Variants in ARPC1A observed in about 807,000 individuals in gnomAD.
ARPC1A encodes the protein actin related protein 2/3 complex subunit 1A.
A neutral mutation model predicts 46.9 loss-of-function variants in ARPC1A; 8 were observed. The observed-to-expected ratio is 0.17, with a 90% CI of 0.10 to 0.31. The LOEUF (loss-of-function observed/expected upper bound fraction) is 0.31. Ranked by LOEUF, ARPC1A falls within the 10% of genes least tolerant of loss-of-function variation. The pLI is 1.00. For missense variants in ARPC1A, 286 were observed against 483.6 expected (o/e 0.59, Z 3.83); for synonymous variants, 152 against 169.0 (o/e 0.90, Z 0.78).
chr7:99,358,821 G>A (rs1006236431), intron 7 of ARPC1A: 3 of 162,142 alleles, frequency 1.9e-5, no homozygotes, highest in East Asian at 1.9e-4. Context: ...ATGAGCCACC[G>A]TGCCCGGCCT....
chr7:99,349,491 G>A (rs1793513846), intron 5 of ARPC1A, among the ~76,000 whole-genome samples: 3 of 150,470 alleles, frequency 2.0e-5, no homozygotes, highest in Admixed American at 2.0e-4. Flanking sequence ...GATCACCTGA[G>A]GTTGGAAGTT....
At chr7:99,335,139 C>T (rs1297616368) in intron 2 of ARPC1A, among the ~76,000 whole-genome samples, 9 of 151,972 alleles carry the variant, frequency 5.9e-5, no homozygotes, top group Non-Finnish European at 1.2e-4. Context: ...CCACTGCGCC[C>T]GGCCCACACC....
At chr7:99,340,486 C>T (rs1240486405) in intron 3 of ARPC1A, among the ~76,000 whole-genome samples, 2 of 151,960 alleles carry the variant, frequency 1.3e-5, no homozygotes, top group African/African-American at 4.8e-5. Flanking sequence ...GCTCTGTTGC[C>T]CAGTCACCCA....
At chr7:99,365,287 A>G (rs1027407269) in intron 9 of ARPC1A, among the ~76,000 whole-genome samples, 1 of 151,898 alleles carries the variant, frequency 6.6e-6, no homozygotes, top group African/African-American at 2.4e-5. Context: ...CCCCATCTCT[A>G]TAAAAAAGCC....
At chr7:99,339,468 G>C (rs760150931) in intron 3 of ARPC1A, among the ~76,000 whole-genome samples, 1 of 152,154 alleles carries the variant, frequency 6.6e-6, no homozygotes, top group African/African-American at 2.4e-5. Context: ...CAAGGCTGCA[G>C]TGAGCTGTGA....
chr7:99,359,578 G>A lies in ARPC1A; in HGVS notation c.823G>A (p.Asp275Asn), dbSNP rs1428599750. The change falls in exon 8 of 10, where the codon GAT (aspartate) becomes AAT (asparagine). Residue 275 changes from aspartate to asparagine, a missense_variant. Around this residue, in one of 5 missense-constraint regions of ARPC1A, gnomAD observed 182 missense variants for 276.7 expected, o/e 0.66. Transcript: ENST00000262942. ...HDCCPMLFNY[D>N]DRGCLTFVSK... ...CTGCTGCCCAATGCTCTTTAACTAC[G>A]ATGACCGCGGCTGCCTGACCTTCGT... 1.1e-5 allele frequency: 18 copies of A among 1,613,966 alleles called. No homozygotes were observed. Among genetic ancestry groups the A allele is most frequent in the African/African-American group, 2.7e-5 (2 of 74,896 alleles).
intron 6 of ARPC1A, among the ~76,000 whole-genome samples, chr7:99,354,322 A>T (rs1433796703): frequency 2.0e-5 from 3 of 151,776 alleles, no homozygotes; most frequent in Non-Finnish European, 4.4e-5. Context: ...GCAGTTCAAG[A>T]CCAGCCTGGC....
chr7:99,349,793 T>C (rs1448055101), intron 5 of ARPC1A, among the ~76,000 whole-genome samples: 1 of 151,638 alleles, frequency 6.6e-6, no homozygotes. Flanking sequence ...TGAGCCGAGA[T>C]CACACCACTG....
At position 99,359,451 on chromosome 7, in the gene ARPC1A, AAAG is replaced by A. The variant is rs1793699836; in HGVS notation, c.790-92_790-90del. On this transcript the variant is annotated intron_variant, in intron 7 of 9. Coordinates refer to ENST00000262942, the MANE Select transcript of ARPC1A (RefSeq NM_006409.4). ...ACTCGGTCTCAAAAAAAAAAAAAAA[AAAG>A]AGTAAGAGAGGCCTGTCGTGGTGAA... 5.5e-6 allele frequency: 7 copies of A among 1,269,614 alleles called. No individual in the cohort carries two copies. In the East Asian group the frequency reaches 7.5e-5, roughly 14 times the overall value. 78.6% of individuals were successfully genotyped at this position (1,269,614 alleles called of 1,614,324 possible). A position where few individuals can be genotyped will look rare whatever the true frequency, so the allele number is the denominator to read the frequency against.
chr7:99,327,865 G>C (rs532789878), intron 1 of ARPC1A, among the ~76,000 whole-genome samples: 1 of 152,156 alleles, frequency 6.6e-6, no homozygotes, highest in Non-Finnish European at 1.5e-5. Flanking sequence ...TGGTGACCTT[G>C]TTGGAGTACT....
At chr7:99,349,187 A>G (rs571121137) in intron 5 of ARPC1A, among the ~76,000 whole-genome samples, 54 of 152,022 alleles carry the variant, frequency 3.6e-4, no homozygotes, top group Admixed American at 6.6e-4. Context: ...AGTAGTTGGG[A>G]CTACAGGTAT....
At chr7:99,353,108 TTTAGTTTATG>T (rs754473566) in intron 5 of ARPC1A, among the ~76,000 whole-genome samples, 6,284 of 146,978 alleles carry the variant, frequency 0.043, 279 homozygotes, top group African/African-American at 0.12. Context: ...TTTAGTTTAG[TTTAGTTTATG>T]TTATGTTATG....
chr7:99,360,161 TAG>T, intron 8 of ARPC1A: 1 of 203,536 alleles, frequency 4.9e-6, no homozygotes, highest in African/African-American at 2.3e-5. Context: ...AAGGTAACTG[TAG>T]CTGTCGTTTC....
Position 99,338,295 on chromosome 7 carries a change from G to T in ARPC1A, c.169+10G>T, listed in dbSNP as rs1053079824. 1.9e-6 allele frequency: 3 copies of T among 1,562,540 alleles called. No homozygotes were observed. The highest frequency in any genetic ancestry group is 2.3e-5 in the East Asian group (1 of 43,820). On this transcript the variant is annotated intron_variant, in intron 3 of 9. Transcript: ENST00000262942. ...AACGGACACATCACAGGTAAAGGAA[G>T]ATAGCCGTGAGCTTAGTGTGATATT...
At chr7:99,365,096 A>T (rs764411816) in intron 9 of ARPC1A, among the ~76,000 whole-genome samples, 28 of 152,182 alleles carry the variant, frequency 1.8e-4, no homozygotes, top group Non-Finnish European at 1.2e-4. Flanking sequence ...GAGAGCGCAC[A>T]CTGCCTCTGA....
rs757908410 is a variant in ARPC1A at position 99,336,481 on chromosome 7, ATTTTTTTTTT to A, written c.65-1681_65-1672del. 5.0e-4 allele frequency among the ~76,000 whole-genome samples: 52 copies of A among 103,194 alleles called. No homozygotes were observed. The South Asian group carries it at 0.012, about 24-fold the overall frequency. The allele number at this position is 103,194 out of a possible 152,430, so 67.7% of individuals were successfully genotyped here. A position where few individuals can be genotyped will look rare whatever the true frequency, so the allele number is the denominator to read the frequency against. On this transcript the variant is annotated intron_variant, in intron 2 of 9. Transcript: ENST00000262942. ...CCTAAAGTTTGGATCATAGGTCTTAATTTTTTTTTTTTTTTTTTTTTTTTTTTTGAGACAG... is the reference window on the plus strand; with the variant it reads ...CCTAAAGTTTGGATCATAGGTCTTAATTTTTTTTTTTTTTTTTTGAGACAG...
Position 99,325,929 on chromosome 7 carries a change from C to A in ARPC1A, c.-105C>A, listed in dbSNP as rs1254728727. On this transcript the variant is annotated 5_prime_UTR_variant, in exon 1 of 10. Coordinates refer to ENST00000262942, the MANE Select transcript of ARPC1A (RefSeq NM_006409.4). ...GCTTCCGTCCTCCGCCCGCGCCCGA[C>A]GGAGCCTGTTCGCGTCGACTGCCCA... The A allele has an allele frequency of 6.6e-6, 1 of 152,576 alleles. No homozygotes were observed. Among genetic ancestry groups the A allele is most frequent in the African/African-American group, 2.4e-5 (1 of 41,456 alleles). The allele number at this position is 152,576 out of a possible 1,614,324, so 9.5% of individuals were successfully genotyped here. A position where few individuals can be genotyped will look rare whatever the true frequency, so the allele number is the denominator to read the frequency against.
At chr7:99,351,820 A>G (rs759218104) in intron 5 of ARPC1A, among the ~76,000 whole-genome samples, 1 of 152,188 alleles carries the variant, frequency 6.6e-6, no homozygotes, top group Admixed American at 6.5e-5. Flanking sequence ...TAGAAATCAC[A>G]TTGGAGGGCG....
chr7:99,330,449 G>C (rs1197814509), intron 1 of ARPC1A, among the ~76,000 whole-genome samples: 1 of 152,144 alleles, frequency 6.6e-6, no homozygotes, highest in Non-Finnish European at 1.5e-5. Context: ...TGAGTAGCTG[G>C]AATTACAGGT....
Sources: gnomAD v4.1 joint callset for allele counts (sites outside exome capture counted in the v4.1 genomes callset) on GRCh38, gnomAD v4.1.1 for gene constraint, gnomAD v4.1.1 regional missense constraint, MANE v1.5 for transcripts, NCBI Gene and HGNC (gene_info 2026-07-23, HGNC 2026-07-21) for gene names.